Variants in UBA3 observed in about 807,000 individuals in gnomAD.
UBA3 encodes the protein NEDD8-activating enzyme E1 catalytic subunit.
A neutral mutation model predicts 73.5 loss-of-function variants in UBA3; 26 were observed. The observed-to-expected ratio is 0.35, with a 90% confidence interval of 0.26 to 0.49. The LOEUF is 0.49. UBA3 is among the 20% of genes least tolerant of loss of function. UBA3 has a pLI of 0.98. For synonymous variants in UBA3, 217 were observed against 191.2 expected, an observed-to-expected ratio of 1.13 and a Z score of -1.11; for missense variants, 495 against 555.6, an observed-to-expected ratio of 0.89 and a Z score of 1.10.
intron 6 of UBA3, among the ~76,000 whole-genome samples, chr3:69,064,326 A>G (rs978336585): frequency 2.0e-5 from 3 of 152,174 alleles, no homozygotes; most frequent in Non-Finnish European, 4.4e-5. Context: ...ACTTTTTCTC[A>G]TTCCTGAACC....
In UBA3 at chr3:69,055,911, A is replaced by T; in HGVS notation, c.1249-6T>A. Reference sequence around the variant, plus strand: ...TCTTCAATAGAGGTTACCGACTAGAAAACAAAATTACTTTAATGTAAGACA... The same window carrying T: ...TCTTCAATAGAGGTTACCGACTAGATAACAAAATTACTTTAATGTAAGACA... On this transcript the variant is annotated splice_region_variant and splice_polypyrimidine_tract_variant and intron_variant, in intron 16 of 17. Coordinates refer to ENST00000361055, the MANE Select transcript of UBA3 (RefSeq NM_003968.4). The T allele has an allele frequency of 6.2e-7, 1 of 1,611,336 alleles. No individual in the cohort carries two copies. Among genetic ancestry groups the T allele is most frequent in the Non-Finnish European group, 8.5e-7 (1 of 1,178,902 alleles).
rs2092180744 is a variant in UBA3, at chr3:69,077,803, T to A, written c.178A>T (p.Thr60Ser). 8 of 1,612,948 alleles carry A rather than the reference T, an allele frequency of 5.0e-6. No individual in the cohort carries two copies. Among genetic ancestry groups the A allele is most frequent in the Non-Finnish European group, 5.1e-6 (6 of 1,179,384 alleles). The change falls in exon 3 of 18, where the codon ACT becomes TCT. Residue 60 changes from threonine (T) to serine (S), a missense_variant. Thr to Ser is a moderately conservative substitution (Grantham distance 58). Coordinates refer to ENST00000361055, the MANE Select transcript of UBA3 (RefSeq NM_003968.4). ...TAAAAATAAACGTTTCTCACTTCAG[T>A]GCTCGGTTCGAAATCAGGGTGTGTG... Reference protein sequence around the residue: ...PFTHPDFEPSTESLQFLLDTC... With the variant: ...PFTHPDFEPSSESLQFLLDTC...
chr3:69,078,487 T>C (rs1397456656), intron 2 of UBA3, among the ~76,000 whole-genome samples: 1 of 152,180 alleles, frequency 6.6e-6, no homozygotes, highest in Non-Finnish European at 1.5e-5. Context: ...TCTTTTTCTT[T>C]TTTTGTGACA....
At chr3:69,071,787 AACAG>A (rs2092124335) in intron 4 of UBA3, among the ~76,000 whole-genome samples, 170 bp from the exon 5 acceptor site, 1 of 152,186 alleles carries the variant, frequency 6.6e-6, no homozygotes, top group South Asian at 2.1e-4. Flanking sequence ...AGAGTTCTTG[AACAG>A]GTCAAAAGTG....
At chr3:69,079,656 A>G (rs2107504510) in intron 2 of UBA3, 1 of 163,244 alleles carries the variant, frequency 6.1e-6, no homozygotes, top group South Asian at 1.7e-4. Flanking sequence ...TGGAGTGCTT[A>G]GTACAATACC....
At chr3:69,061,026 T>C (rs1575832381) in intron 11 of UBA3, among the ~76,000 whole-genome samples, 1 of 152,314 alleles carries the variant, frequency 6.6e-6, no homozygotes. Flanking sequence ...TATTCCTTTA[T>C]AGCAAAGCAA....
Position 69,055,473 on chromosome 3 carries a change from T to C in UBA3, c.1356A>G (p.Pro452=). 1 of 1,573,976 alleles carries C rather than the reference T, an allele frequency of 6.4e-7. No homozygotes were observed. The highest frequency in any genetic ancestry group is 8.6e-7 in the Non-Finnish European group (1 of 1,169,028). The change falls in exon 18 of 18, where the codon CCA becomes CCG. Residue 452 remains proline (P), a synonymous_variant. Coordinates refer to ENST00000361055, the MANE Select transcript of UBA3 (RefSeq NM_003968.4). ...QELAVADVTT[P]QTVLFKLHFT... ...AATGAAGTTTGAATAGTACAGTCTGTGGGGTGGTGACATCAGCAACCGCCA... is the reference window on the plus strand; with the variant it reads ...AATGAAGTTTGAATAGTACAGTCTGCGGGGTGGTGACATCAGCAACCGCCA...
In UBA3 at chr3:69,063,127, A is replaced by G. The variant is rs2092037415; in HGVS notation, c.548T>C (p.Leu183Pro). 6.2e-7 allele frequency: 1 copy of G among 1,613,880 alleles called. No individual in the cohort carries two copies. Among genetic ancestry groups the G allele is most frequent in the Non-Finnish European group, 8.5e-7 (1 of 1,179,920 alleles). The change falls in exon 9 of 18, where the codon CTA becomes CCA. Residue 183 changes from leucine to proline, a missense_variant. Transcript: ENST00000361055. Reference protein sequence around the residue: ...RWINGMLISLLNYEDGVLDPS... With the variant: ...RWINGMLISLPNYEDGVLDPS... ...ATCTAAGACACCATCTTCATAATTT[A>G]GAAGAGATATCTAGGAAAACAATTT...
intron 11 of UBA3, among the ~76,000 whole-genome samples, chr3:69,059,175 A>C (rs540396333): frequency 1.3e-5 from 2 of 152,364 alleles, no homozygotes; most frequent in East Asian, 3.9e-4. Context: ...AGTTCTATGA[A>C]GAAAATGAGG....
chr3:69,079,402 G>A (rs2092198374), intron 2 of UBA3, among the ~76,000 whole-genome samples: 2 of 152,210 alleles, frequency 1.3e-5, no homozygotes, highest in Non-Finnish European at 2.9e-5. Context: ...CTGGGAATCG[G>A]CACGGAAATT....
chr3:69,069,122 G>A lies in UBA3; in HGVS notation c.348-1114C>T, dbSNP rs534512843. ...TAATAAGAACATTATTACTTTTTTC[G>A]TAACATATTTGCTACATACACGTCT... On this transcript the variant is annotated intron_variant, in intron 5 of 17. Coordinates refer to ENST00000361055, the MANE Select transcript of UBA3 (RefSeq NM_003968.4). 1.8e-4 allele frequency among the ~76,000 whole-genome samples: 27 copies of A among 151,620 alleles called. No individual in the cohort carries two copies. In the South Asian group the frequency reaches 4.8e-3, roughly 27 times the overall value.
intron 4 of UBA3, among the ~76,000 whole-genome samples, chr3:69,073,937 C>G (rs2092143348): frequency 1.3e-5 from 2 of 150,978 alleles, no homozygotes; most frequent in Non-Finnish European, 3.0e-5. Flanking sequence ...GCCACCATGC[C>G]CAGTCTAGTA....
chr3:69,066,834 C>T (rs984774521), intron 6 of UBA3, among the ~76,000 whole-genome samples: 7 of 152,126 alleles, frequency 4.6e-5, no homozygotes, highest in African/African-American at 1.4e-4. Flanking sequence ...TGCTCCAGTA[C>T]GATTTGTTGA....
Position 69,061,824 on chromosome 3 carries a change from C to A in UBA3, c.900G>T (p.Arg300Ser). 6.3e-7 allele frequency: 1 copy of A among 1,595,808 alleles called. No individual in the cohort carries two copies. Among genetic ancestry groups the A allele is most frequent in the Non-Finnish European group, 8.5e-7 (1 of 1,171,678 alleles). ...AATTTGCTGACTTACCTTGAGTGAGCCTATACGTAACACCCCTAATATTAT... is the reference window on the plus strand; with the variant it reads ...AATTTGCTGACTTACCTTGAGTGAGACTATACGTAACACCCCTAATATTAT... ...SQYNIRGVTYRLTQGVVKRII... is the reference protein window; with the variant it reads ...SQYNIRGVTYSLTQGVVKRII... The change falls in exon 11 of 18, where the codon AGG (arginine) becomes AGT (serine). Residue 300 changes from arginine to serine, a missense_variant. By Grantham distance (110) the Arg-to-Ser change is moderately radical. Transcript: ENST00000361055.
intron 6 of UBA3, among the ~76,000 whole-genome samples, chr3:69,067,374 G>C (rs74958345): frequency 0.016 from 2,417 of 152,198 alleles, 66 homozygotes; most frequent in African/African-American, 0.056. Flanking sequence ...AAGTTCACCG[G>C]TATGTTGATT....
At chr3:69,080,060 G>C (rs955954768) in intron 2 of UBA3, 52 bp downstream of exon 2, 2 of 1,555,986 alleles carry the variant, frequency 1.3e-6, no homozygotes, top group Non-Finnish European at 8.8e-7. Flanking sequence ...GGCCTGGGGT[G>C]GGGGGAGGCG....
rs2092025082 is a variant in UBA3, at chr3:69,061,921, A to G, written c.803T>C (p.Val268Ala). 1.3e-6 allele frequency: 2 copies of G among 1,589,848 alleles called. No individual in the cohort carries two copies. Among genetic ancestry groups the G allele is most frequent in the Non-Finnish European group, 1.7e-6 (2 of 1,169,846 alleles). The stretch of plus-strand genomic sequence containing the variant: ...TTCAGGATCATCTCCATCTAATGGA[A>G]CCCCTTCTGTTTAAAAAAAAAAAGG... ...WPKEQPFGEG[V>A]PLDGDDPEHI... The change falls in exon 11 of 18, where the codon GTT becomes GCT. Residue 268 changes from valine to alanine, a missense_variant. Physicochemically the swap from Val to Ala is moderately conservative, Grantham distance 64 (BLOSUM62 0). Transcript: ENST00000361055.
intron 2 of UBA3, among the ~76,000 whole-genome samples, chr3:69,078,124 A>G (rs963439830): frequency 2.0e-5 from 3 of 152,200 alleles, no homozygotes; most frequent in African/African-American, 4.8e-5. Context: ...GCACGTTTCT[A>G]TTTTTATTTC....
In UBA3 at chr3:69,075,504, G is replaced by A; in HGVS notation, c.190C>T (p.Gln64Ter). Residue 64 changes from glutamine (Q) to a stop codon, truncating the protein, a stop_gained, in exon 4 of 18, where the codon CAG becomes TAG. Transcript: ENST00000361055. LOFTEE classifies it high-confidence loss of function. ...PDFEPSTESL[Q>*]FLLDTCKVLV... The stretch of plus-strand genomic sequence containing the variant: ...ACTTTACATGTATCTAACAAGAACT[G>A]GAGAGACTGTAAAGAATGGAAAGGC... The A allele has an allele frequency of 6.5e-7, 1 of 1,545,770 alleles. No homozygotes were observed. Among genetic ancestry groups the A allele is most frequent in the East Asian group, 2.4e-5 (1 of 41,536 alleles).
Sources: gnomAD v4.1 joint callset for allele counts (sites outside exome capture counted in the v4.1 genomes callset) on GRCh38, gnomAD v4.1.1 for gene constraint, MANE v1.5 for transcripts, NCBI Gene and HGNC (gene_info 2026-07-23, HGNC 2026-07-21) for gene names.